Variants in MACROD2 observed in about 807,000 individuals in gnomAD.
The protein encoded by MACROD2 is mono-ADP ribosylhydrolase 2, also known as ADP-ribose glycohydrolase MACROD2.
MACROD2 carries 36 observed loss-of-function variants against 70.4 expected under a neutral mutation model. The observed-to-expected ratio is 0.51, with a 90% CI of 0.39 to 0.68. The LOEUF is 0.68. Among genes scored for constraint, MACROD2 ranks in the 30% least tolerant of loss-of-function variants. The pLI is 0.00. For synonymous variants in MACROD2, 172 were observed against 178.8 expected, an observed-to-expected ratio of 0.96 and a Z score of 0.30; for missense variants, 496 against 538.4, an observed-to-expected ratio of 0.92 and a Z score of 0.78.
chr20:15,813,099 T>G (rs2063837074), intron 8 of MACROD2, among the ~76,000 whole-genome samples: 1 of 152,164 alleles, frequency 6.6e-6, no homozygotes, highest in Non-Finnish European at 1.5e-5. Context: ...TTTATTTCAG[T>G]GTAGAACATA....
chr20:15,499,008 A>G (rs560827672), intron 7 of MACROD2, among the ~76,000 whole-genome samples: 1 of 152,296 alleles, frequency 6.6e-6, no homozygotes, highest in Non-Finnish European at 1.5e-5. Context: ...AAATATATAC[A>G]TTGATAAGGT....
At chr20:15,833,928 G>A (rs1475130957) in intron 8 of MACROD2, among the ~76,000 whole-genome samples, 1 of 152,154 alleles carries the variant, frequency 6.6e-6, no homozygotes, top group Non-Finnish European at 1.5e-5. Flanking sequence ...AGGCCAGGAT[G>A]TGCAGTAAAC....
At chr20:14,519,311 A>G (rs151242521) in intron 4 of MACROD2, among the ~76,000 whole-genome samples, 2,326 of 152,228 alleles carry the variant, frequency 0.015, 69 homozygotes, top group African/African-American at 0.053. Flanking sequence ...TTTACTCCTG[A>G]AATCCTGAAG....
chr20:14,860,796 C>T (rs559609445), intron 5 of MACROD2, among the ~76,000 whole-genome samples: 217 of 152,134 alleles, frequency 1.4e-3, no homozygotes, highest in African/African-American at 5.1e-3. Flanking sequence ...AAATTTACAG[C>T]CCTCTTAACC....
chr20:14,771,204 T>A (rs1268748484), intron 5 of MACROD2, among the ~76,000 whole-genome samples: 1 of 152,062 alleles, frequency 6.6e-6, no homozygotes, highest in Non-Finnish European at 1.5e-5. Context: ...TAGACTTATA[T>A]CATCAGCCCT....
At chr20:15,986,122 A>G (rs1416556095) in intron 13 of MACROD2, among the ~76,000 whole-genome samples, 2 of 152,214 alleles carry the variant, frequency 1.3e-5, no homozygotes, top group African/African-American at 4.8e-5. Flanking sequence ...AGGCAGGCCC[A>G]GGCCTGGTTT....
intron 3 of MACROD2, among the ~76,000 whole-genome samples, chr20:14,453,014 C>T (rs1337414045): frequency 6.6e-6 from 1 of 152,026 alleles, no homozygotes; most frequent in Non-Finnish European, 1.5e-5. Flanking sequence ...TATCTAGGTC[C>T]TTAGGACAAG....
At chr20:14,622,318 C>T (rs887429879) in intron 4 of MACROD2, among the ~76,000 whole-genome samples, 4 of 151,894 alleles carry the variant, frequency 2.6e-5, no homozygotes, top group African/African-American at 9.7e-5. Context: ...GAGATGTGAG[C>T]GGGTAGCTTT....
intron 3 of MACROD2, among the ~76,000 whole-genome samples, chr20:14,296,855 A>G (rs1385997095): frequency 6.6e-6 from 1 of 151,910 alleles, no homozygotes; most frequent in Non-Finnish European, 1.5e-5. Context: ...TCACTTTATT[A>G]TACTTCACAG....
chr20:14,991,887 G>T (rs2074907430), intron 5 of MACROD2, among the ~76,000 whole-genome samples: 2 of 152,062 alleles, frequency 1.3e-5, no homozygotes, highest in Non-Finnish European at 2.9e-5. Context: ...GATCAAAATG[G>T]TTATAACTGT....
At chr20:14,986,986 CTCCTGCATACAAATGA>C (rs2074855170) in intron 5 of MACROD2, among the ~76,000 whole-genome samples, 1 of 152,184 alleles carries the variant, frequency 6.6e-6, no homozygotes, top group Non-Finnish European at 1.5e-5. Context: ...TTGCCCAGAA[CTCCTGCATACAAATGA>C]GGAGTGGCAT....
intron 3 of MACROD2, among the ~76,000 whole-genome samples, chr20:14,210,476 G>C (rs2081561362): frequency 6.6e-6 from 1 of 152,154 alleles, no homozygotes; most frequent in Non-Finnish European, 1.5e-5. Context: ...TGACAGAGAA[G>C]AAAAGCAGGT....
intron 6 of MACROD2, among the ~76,000 whole-genome samples, chr20:15,374,698 T>C (rs2045539267): frequency 6.6e-6 from 1 of 152,310 alleles, no homozygotes; most frequent in East Asian, 1.9e-4. Context: ...CAATTTCATT[T>C]CCTGAACCTT....
Position 15,454,315 on chromosome 20 carries a change from C to T in MACROD2, c.571+22880C>T, listed in dbSNP as rs527607092. Among the ~76,000 whole-genome samples the T allele has an allele frequency of 1.1e-3, 164 of 152,034 alleles. 1 individual carries two copies. The highest frequency in any genetic ancestry group is 3.9e-3 in the African/African-American group (160 of 41,482). On this transcript the variant is annotated intron_variant, in intron 7 of 17. Transcript: ENST00000684519. ...TATTCTTTTCAAATTATTGGAATCT[C>T]TCTTTCCCTGCCTTACATCCTGCCC...
intron 5 of MACROD2, among the ~76,000 whole-genome samples, chr20:15,002,428 A>G (rs1384168361): frequency 1.3e-5 from 2 of 151,964 alleles, no homozygotes; most frequent in Admixed American, 6.6e-5. Flanking sequence ...AGAATTGTCT[A>G]TTCATGTCCT....
chr20:15,569,728 A>T (rs1054164032), intron 8 of MACROD2, among the ~76,000 whole-genome samples: 1 of 152,250 alleles, frequency 6.6e-6, no homozygotes, highest in Non-Finnish European at 1.5e-5. Flanking sequence ...CTTCACAAAG[A>T]TGTAGACCAT....
chr20:14,566,067 T>C (rs1223890501), intron 4 of MACROD2, among the ~76,000 whole-genome samples: 1 of 151,880 alleles, frequency 6.6e-6, no homozygotes, highest in African/African-American at 2.4e-5. Flanking sequence ...TAACAAAAAA[T>C]AGATAAATTG....
chr20:14,271,375 G>A (rs2082194211), intron 3 of MACROD2, among the ~76,000 whole-genome samples: 1 of 152,336 alleles, frequency 6.6e-6, no homozygotes, highest in South Asian at 2.1e-4. Flanking sequence ...CTGATACCCA[G>A]ACAAACAGGG....
chr20:14,210,007 C>T (rs1194176172), intron 3 of MACROD2, among the ~76,000 whole-genome samples: 1 of 152,060 alleles, frequency 6.6e-6, no homozygotes, highest in Non-Finnish European at 1.5e-5. Flanking sequence ...GTAAACTTGC[C>T]TTTCTTCACA....
Sources: gnomAD v4.1 joint callset for allele counts (sites outside exome capture counted in the v4.1 genomes callset) on GRCh38, gnomAD v4.1.1 for gene constraint, MANE v1.5 for transcripts, NCBI Gene and HGNC (gene_info 2026-07-23, HGNC 2026-07-21) for gene names.